EYA2: variants seen among roughly 807,000 people sequenced by gnomAD.
The protein encoded by EYA2 is protein phosphatase EYA2.
A neutral mutation model predicts 69.2 loss-of-function variants in EYA2; 31 were observed. That is an observed-to-expected ratio of 0.45 (90% CI 0.34 to 0.60). The LOEUF is 0.60. EYA2 is among the 20% of genes least tolerant of loss of function. EYA2 has a pLI of 0.02. For synonymous variants in EYA2, 257 were observed against 279.4 expected (o/e 0.92, Z 0.80); for missense variants, 622 against 701.2 (o/e 0.89, Z 1.28).
At chr20:47,087,450 G>C (rs766434554) in intron 7 of EYA2, among the ~76,000 whole-genome samples, 54 of 152,356 alleles carry the variant, frequency 3.5e-4, no homozygotes, top group Non-Finnish European at 6.0e-4. Flanking sequence ...GACAAGGACA[G>C]GTCCAAATTT....
chr20:47,040,841 G>C (rs934014634), intron 5 of EYA2, among the ~76,000 whole-genome samples: 4 of 131,020 alleles, frequency 3.1e-5, no homozygotes, highest in African/African-American at 9.2e-5. Flanking sequence ...CTGGGGGTTA[G>C]GGGGGAGGTT....
chr20:47,134,831 CA>C (rs2033421969), intron 9 of EYA2, among the ~76,000 whole-genome samples: 1 of 152,026 alleles, frequency 6.6e-6, no homozygotes, highest in African/African-American at 2.4e-5. Context: ...ACTTTATTTA[CA>C]AAAACAGACA....
chr20:47,048,101 G>T (rs908920650), intron 5 of EYA2, among the ~76,000 whole-genome samples: 1 of 152,150 alleles, frequency 6.6e-6, no homozygotes, highest in African/African-American at 2.4e-5. Flanking sequence ...AAACTAACTC[G>T]ACTTATTCAC....
chr20:47,018,923 A>G (rs1983579327), intron 5 of EYA2, among the ~76,000 whole-genome samples: 1 of 152,190 alleles, frequency 6.6e-6, no homozygotes, highest in African/African-American at 2.4e-5. Context: ...TCAGGACTCC[A>G]GGAACTGTCC....
intron 2 of EYA2, 113 bp from the exon 3 acceptor site, chr20:47,001,315 C>A: frequency 1.1e-6 from 1 of 878,594 alleles, no homozygotes. Flanking sequence ...GAGAAAGCCG[C>A]GGGCAGCACC....
intron 1 of EYA2, among the ~76,000 whole-genome samples, chr20:46,942,246 C>T (rs973980733): frequency 1.3e-5 from 2 of 150,500 alleles, no homozygotes; most frequent in Non-Finnish European, 3.0e-5. Context: ...CTCACTCTGT[C>T]ACCCAGGCTG....
At chr20:47,044,928 C>G (rs1165736171) in intron 5 of EYA2, among the ~76,000 whole-genome samples, 1 of 152,088 alleles carries the variant, frequency 6.6e-6, no homozygotes, top group Admixed American at 6.6e-5. Context: ...CTAAACAGAT[C>G]ATCATGTACC....
At chr20:47,139,851 G>C (rs1413113414) in intron 9 of EYA2, among the ~76,000 whole-genome samples, 3 of 151,986 alleles carry the variant, frequency 2.0e-5, no homozygotes, top group Non-Finnish European at 4.4e-5. Flanking sequence ...TCTCACCCTT[G>C]ACCCCAACAC....
intron 10 of EYA2, among the ~76,000 whole-genome samples, chr20:47,163,428 G>A (rs367810770): frequency 5.9e-5 from 9 of 152,106 alleles, no homozygotes; most frequent in South Asian, 4.1e-4. Flanking sequence ...GGCTTGGGAC[G>A]TGGCTCACGC....
At chr20:47,133,237 A>G (rs1234030447) in intron 9 of EYA2, among the ~76,000 whole-genome samples, 1 of 152,028 alleles carries the variant, frequency 6.6e-6, no homozygotes, top group Non-Finnish European at 1.5e-5. Context: ...GCCTAGATCT[A>G]CCAGCTCAGC....
chr20:47,056,669 G>A (rs1230783673), intron 5 of EYA2, among the ~76,000 whole-genome samples: 2 of 152,254 alleles, frequency 1.3e-5, no homozygotes, highest in South Asian at 2.1e-4. Context: ...AAAATCATGA[G>A]TTATATCTGA....
intron 1 of EYA2, among the ~76,000 whole-genome samples, chr20:46,966,686 T>G (rs1339783066): frequency 6.6e-6 from 1 of 152,012 alleles, no homozygotes; most frequent in Non-Finnish European, 1.5e-5. Context: ...GGTGGGTGCC[T>G]GTAGTCCCAG....
At chr20:47,148,832 T>G (rs1348251078) in intron 10 of EYA2, among the ~76,000 whole-genome samples, 1 of 152,170 alleles carries the variant, frequency 6.6e-6, no homozygotes. Flanking sequence ...CTGAAAGCTG[T>G]TCATGGGAAG....
chr20:46,962,025 T>G (rs538510461), intron 1 of EYA2, among the ~76,000 whole-genome samples: 17 of 152,184 alleles, frequency 1.1e-4, no homozygotes, highest in Non-Finnish European at 8.8e-5. Flanking sequence ...TTTTCTTTCT[T>G]TCTTTCTTTT....
chr20:47,068,732 G>C (rs1243777975), intron 5 of EYA2, among the ~76,000 whole-genome samples: 2 of 152,150 alleles, frequency 1.3e-5, no homozygotes, highest in Non-Finnish European at 2.9e-5. Flanking sequence ...TAGAGGTGTT[G>C]TGGTTCCTTT....
At chr20:47,064,692 G>A (rs1320106106) in intron 5 of EYA2, among the ~76,000 whole-genome samples, 2 of 152,114 alleles carry the variant, frequency 1.3e-5, no homozygotes, top group Non-Finnish European at 2.9e-5. Flanking sequence ...CCTAGCGAGT[G>A]TGAAGGAGCA....
chr20:46,980,741 C>T (rs1360763849), intron 1 of EYA2, among the ~76,000 whole-genome samples: 1 of 152,174 alleles, frequency 6.6e-6, no homozygotes, highest in Non-Finnish European at 1.5e-5. Context: ...ACCCATTAAT[C>T]AACCTCTCTT....
chr20:46,961,548 T>C (rs904319110), intron 1 of EYA2, among the ~76,000 whole-genome samples: 3 of 152,130 alleles, frequency 2.0e-5, no homozygotes, highest in African/African-American at 7.2e-5. Flanking sequence ...GAAATCAATG[T>C]TGAGGACATA....
intron 5 of EYA2, among the ~76,000 whole-genome samples, chr20:47,046,549 C>T (rs981960733): frequency 6.6e-6 from 1 of 152,148 alleles, no homozygotes; most frequent in African/African-American, 2.4e-5. Context: ...AACAGCCCTC[C>T]CTTGGTACAA....
Sources: allele counts gnomAD v4.1 joint callset (sites outside exome capture counted in the v4.1 genomes callset), GRCh38; gene constraint gnomAD v4.1.1; transcripts MANE v1.5; gene names NCBI Gene and HGNC (gene_info 2026-07-23, HGNC 2026-07-21).